PCDHGA1: variants seen among roughly 807,000 people sequenced by gnomAD.
PCDHGA1 encodes the protein protocadherin gamma-A1.
A neutral mutation model predicts 58.0 loss-of-function variants in PCDHGA1; 32 were observed. That is an observed-to-expected ratio of 0.55 (90% CI 0.42 to 0.74). The LOEUF (loss-of-function observed/expected upper bound fraction) is 0.74, where lower values mean the gene tolerates loss of function less well. Ranked by LOEUF, PCDHGA1 falls within the 30% of genes least tolerant of loss-of-function variation. PCDHGA1 has a pLI of 0.00. For missense variants in PCDHGA1, 1,205 were observed against 1,182.3 expected, an observed-to-expected ratio of 1.02 and a Z score of -0.28; for synonymous variants, 498 against 501.1, an observed-to-expected ratio of 0.99 and a Z score of 0.08.
Position 141,414,535 on chromosome 5 carries a change from C to T in PCDHGA1, c.2422-80272C>T, listed in dbSNP as rs2095756820. The T allele has an allele frequency of 6.2e-7, 1 of 1,613,962 alleles. No individual in the cohort carries two copies. On this transcript the variant is annotated intron_variant, in intron 1 of 3. Coordinates refer to ENST00000517417, the MANE Select transcript of PCDHGA1 (RefSeq NM_018912.3). The stretch of plus-strand genomic sequence containing the variant: ...AGTGGCAGATATCAATGACAACCCA[C>T]CTACCTTCTCTCAAGTCTCCTACTT...
In PCDHGA1 at chr5:141,332,662, C is replaced by G. The variant is rs774640178; in HGVS notation, c.1978C>G (p.Leu660Val). Residue 660 changes from leucine (L) to valine (V), a missense_variant, in exon 1 of 4, where the codon CTC (leucine) becomes GTC (valine). Leu to Val is a conservative substitution (Grantham distance 32). Coordinates refer to ENST00000517417, the MANE Select transcript of PCDHGA1 (RefSeq NM_018912.3). This position sits in a 1 kb window ranked among gnomAD's most constrained non-coding sequence, Gnocchi z 4.6. ...GCCCCCGCTCTCCGCCACTGTCACGCTCACCGTGGCCGTGGCCGACAGGAT... is the reference window on the plus strand; with the variant it reads ...GCCCCCGCTCTCCGCCACTGTCACGGTCACCGTGGCCGTGGCCGACAGGAT... The part of the protein sequence containing the change: ...GQPPLSATVT[L>V]TVAVADRISD... 2.0e-5 allele frequency: 33 copies of G among 1,613,294 alleles called. No homozygotes were observed. Among genetic ancestry groups the G allele is most frequent in the East Asian group, 6.7e-5 (3 of 44,886 alleles).
chr5:141,380,927 T>C (rs1776861991), intron 1 of PCDHGA1, among the ~76,000 whole-genome samples: 2 of 152,248 alleles, frequency 1.3e-5, no homozygotes, highest in African/African-American at 2.4e-5. Context: ...TTAATAATCA[T>C]ACACTTTGCT....
chr5:141,470,538 A>G (rs2099232733), intron 1 of PCDHGA1, among the ~76,000 whole-genome samples: 1 of 152,140 alleles, frequency 6.6e-6, no homozygotes, highest in African/African-American at 2.4e-5. Context: ...GTATCAGGTA[A>G]TATTTATTGA....
rs765355268 is a variant in PCDHGA1 at position 141,332,155 on chromosome 5, C to G, written c.1471C>G (p.Leu491Val). 2.5e-6 allele frequency: 4 copies of G among 1,614,170 alleles called. No individual in the cohort carries two copies. In the Admixed American group the frequency reaches 5.0e-5, roughly 20 times the overall value. ...TGAGAATGCACAAATCACTTACTCCCTAATAGAGGACACTATCCAGGGGGC... is the reference window on the plus strand; with the variant it reads ...TGAGAATGCACAAATCACTTACTCCGTAATAGAGGACACTATCCAGGGGGC... ...SNENAQITYS[L>V]IEDTIQGAPL... is the part of the protein sequence containing the mutation. Residue 491 changes from leucine (L) to valine (V), a missense_variant, in exon 1 of 4, where the codon CTA (leucine) becomes GTA (valine). Coordinates refer to ENST00000517417, the MANE Select transcript of PCDHGA1 (RefSeq NM_018912.3). This position sits in a 1 kb window ranked among gnomAD's most constrained non-coding sequence, Gnocchi z 4.6.
chr5:141,407,317 T>G (rs1268885358), intron 1 of PCDHGA1, among the ~76,000 whole-genome samples: 1 of 152,198 alleles, frequency 6.6e-6, no homozygotes, highest in Non-Finnish European at 1.5e-5. Flanking sequence ...TCATACTTAG[T>G]ATTTATAAAT....
chr5:141,377,724 A>G (rs549902283), intron 1 of PCDHGA1: 1 of 152,362 alleles, frequency 6.6e-6, no homozygotes, highest in South Asian at 2.1e-4. Flanking sequence ...TTTTGAAAAG[A>G]TAAGAATCAT....
chr5:141,472,068 G>C (rs1050927364), intron 1 of PCDHGA1, among the ~76,000 whole-genome samples: 7 of 151,974 alleles, frequency 4.6e-5, no homozygotes, highest in Non-Finnish European at 8.8e-5. Context: ...CATGTCTGTG[G>C]TTATATCAAT....
intron 1 of PCDHGA1, chr5:141,351,167 T>A (rs745490255): frequency 1.2e-6 from 2 of 1,613,946 alleles, no homozygotes; most frequent in Non-Finnish European, 1.7e-6. Flanking sequence ...CAATGGCACA[T>A]TGGATTTTGA....
chr5:141,473,647 C>T (rs2099326149), intron 1 of PCDHGA1, among the ~76,000 whole-genome samples: 1 of 152,172 alleles, frequency 6.6e-6, no homozygotes, highest in Non-Finnish European at 1.5e-5. Flanking sequence ...GGCAAAGGAA[C>T]AATTTGTGTG....
Position 141,384,659 on chromosome 5 carries a change from T to A in PCDHGA1, c.2421+51554T>A, listed in dbSNP as rs375759581. ...CCCCGCTCCGCAGAGCCCGGCTACC[T>A]GGTGACCAAGGTGGTGGCGGTGGAC... is the stretch of plus-strand genomic sequence containing the variant. On this transcript the variant is annotated intron_variant, in intron 1 of 3. Transcript: ENST00000517417. The A allele has an allele frequency of 3.1e-6, 5 of 1,614,076 alleles. No individual in the cohort carries two copies. In the African/African-American group the frequency reaches 6.7e-5, roughly 22 times the overall value.
chr5:141,468,599 G>C (rs1055715232), intron 1 of PCDHGA1: 7 of 152,236 alleles, frequency 4.6e-5, no homozygotes, highest in African/African-American at 1.4e-4. Flanking sequence ...GGGCGCGGTG[G>C]CTCACGCCTG....
chr5:141,374,492 G>T (rs770971184), intron 1 of PCDHGA1: 1 of 1,611,364 alleles, frequency 6.2e-7, no homozygotes, highest in Non-Finnish European at 8.5e-7. Flanking sequence ...CTTAAAGGAA[G>T]AATTGGAAGT....
chr5:141,401,890 C>T (rs2094204069), intron 1 of PCDHGA1, among the ~76,000 whole-genome samples: 1 of 152,084 alleles, frequency 6.6e-6, no homozygotes, highest in Non-Finnish European at 1.5e-5. Context: ...ATTTTGTGTT[C>T]TTTTTCCCAA....
chr5:141,492,005 C>T (rs1444993907), intron 1 of PCDHGA1: 2 of 642,268 alleles, frequency 3.1e-6, no homozygotes, highest in Admixed American at 7.4e-5. Flanking sequence ...GGGCGATTTC[C>T]GCGGGTGTCG....
chr5:141,475,715 C>A (rs989484033), intron 1 of PCDHGA1, among the ~76,000 whole-genome samples: 3 of 152,366 alleles, frequency 2.0e-5, no homozygotes, highest in South Asian at 4.1e-4. Context: ...AGCCTCACAG[C>A]CCCAAGGCTG....
intron 2 of PCDHGA1, among the ~76,000 whole-genome samples, chr5:141,498,338 G>T (rs2237079): frequency 2.6e-5 from 4 of 151,600 alleles, no homozygotes; most frequent in Non-Finnish European, 5.9e-5. Flanking sequence ...CATTCCAAAT[G>T]GGAAAAGCCT....
chr5:141,454,865 TG>T (rs2098805228), intron 1 of PCDHGA1, among the ~76,000 whole-genome samples: 1 of 135,344 alleles, frequency 7.4e-6, no homozygotes, highest in Non-Finnish European at 1.5e-5. Flanking sequence ...TGGAGTGCAG[TG>T]GCACGATCTT....
At chr5:141,356,435 G>A (rs762543172) in intron 1 of PCDHGA1, 2 of 1,610,734 alleles carry the variant, frequency 1.2e-6, no homozygotes, top group Non-Finnish European at 1.7e-6. Context: ...ACACTGGACA[G>A]GGAAGAAGTC....
In PCDHGA1 at chr5:141,433,056, G is replaced by T. The variant is rs1422450948; in HGVS notation, c.2422-61751G>T. ...TCCCTCACCACGGACTCGCGGAAGA[G>T]TCACCTGATCTTCCCCCAGCCCAAC... On this transcript the variant is annotated intron_variant, in intron 1 of 3. Coordinates refer to ENST00000517417, the MANE Select transcript of PCDHGA1 (RefSeq NM_018912.3). The T allele has an allele frequency of 6.8e-6, 11 of 1,614,086 alleles. No homozygotes were observed. In the South Asian group the frequency reaches 1.1e-4, roughly 16 times the overall value.
Sources: gnomAD v4.1 joint callset for allele counts (sites outside exome capture counted in the v4.1 genomes callset) on GRCh38, gnomAD v4.1.1 for gene constraint, Gnocchi (gnomAD v3.1) non-coding constraint, MANE v1.5 for transcripts, NCBI Gene and HGNC (gene_info 2026-07-23, HGNC 2026-07-21) for gene names.